The following AUTS2 variants were observed in gnomAD, a reference collection of about 807,000 sequenced individuals.
AUTS2 encodes activator of transcription and developmental regulator AUTS2.
Under a neutral mutation model 112.4 loss-of-function variants are expected in AUTS2, and 17 were observed. That is an observed-to-expected ratio of 0.15 (90% CI 0.10 to 0.23). AUTS2 has a LOEUF of 0.23. Ranked by LOEUF, AUTS2 falls within the 10% of genes least tolerant of loss-of-function variation. The pLI is 1.00. For missense variants in AUTS2, 1,510 were observed against 1,701.6 expected, an observed-to-expected ratio of 0.89 and a Z score of 1.98; for synonymous variants, 751 against 702.7, an observed-to-expected ratio of 1.07 and a Z score of -1.09.
At chr7:69,975,775 C>T (rs1798030296) in intron 2 of AUTS2, among the ~76,000 whole-genome samples, 2 of 151,764 alleles carry the variant, frequency 1.3e-5, no homozygotes, top group Admixed American at 1.3e-4. Flanking sequence ...GCAACCTCTG[C>T]CTCCTGGGTT....
At chr7:70,098,663 T>C (rs1804325087) in intron 2 of AUTS2, among the ~76,000 whole-genome samples, 1 of 152,006 alleles carries the variant, frequency 6.6e-6, no homozygotes, top group South Asian at 2.1e-4. Context: ...TTTTTATTTT[T>C]CCTTGACCTT....
chr7:70,290,609 TC>T, intron 4 of AUTS2: 1 of 1,429,382 alleles, frequency 7.0e-7, no homozygotes, highest in Non-Finnish European at 9.1e-7. Context: ...ATTAAACACT[TC>T]CCTCCTTTTC....
intron 4 of AUTS2, among the ~76,000 whole-genome samples, chr7:70,228,217 C>G (rs954597012): frequency 6.6e-6 from 1 of 151,246 alleles, no homozygotes; most frequent in Non-Finnish European, 1.5e-5. Flanking sequence ...GGACAGTATT[C>G]TCTCTCCCCT....
intron 1 of AUTS2, among the ~76,000 whole-genome samples, chr7:69,710,619 A>C (rs1042750490): frequency 6.6e-6 from 1 of 152,244 alleles, no homozygotes; most frequent in Non-Finnish European, 1.5e-5. Flanking sequence ...TACTTGGTAT[A>C]CAGGAGTCAA....
chr7:70,702,798 C>G (rs1809530479), intron 6 of AUTS2, among the ~76,000 whole-genome samples: 1 of 152,172 alleles, frequency 6.6e-6, no homozygotes, highest in Non-Finnish European at 1.5e-5. Context: ...CTGGAGCCCT[C>G]TCTGACCAGG....
At chr7:69,610,699 T>A (rs1792984817) in intron 1 of AUTS2, among the ~76,000 whole-genome samples, 1 of 152,198 alleles carries the variant, frequency 6.6e-6, no homozygotes, top group Admixed American at 6.5e-5. Context: ...CATTCAGATT[T>A]CAGAGCTTGG....
intron 4 of AUTS2, among the ~76,000 whole-genome samples, chr7:70,138,880 A>G (rs1806708120): frequency 6.6e-6 from 1 of 152,228 alleles, no homozygotes; most frequent in Non-Finnish European, 1.5e-5. Context: ...TAAAGGTCAT[A>G]GTGGGAATAT....
At chr7:70,640,811 C>T (rs1375651569) in intron 5 of AUTS2, among the ~76,000 whole-genome samples, 1 of 152,212 alleles carries the variant, frequency 6.6e-6, no homozygotes, top group Non-Finnish European at 1.5e-5. Flanking sequence ...AATTCTGTTG[C>T]TGTCCACCAG....
intron 2 of AUTS2, among the ~76,000 whole-genome samples, chr7:70,018,266 A>G (rs1800120075): frequency 6.6e-6 from 1 of 151,628 alleles, no homozygotes; most frequent in African/African-American, 2.4e-5. Context: ...ACTTTTCTAT[A>G]TTCGCTGACT....
intron 4 of AUTS2, among the ~76,000 whole-genome samples, chr7:70,360,447 G>T (rs941129157): frequency 6.6e-6 from 1 of 152,182 alleles, no homozygotes; most frequent in African/African-American, 2.4e-5. Context: ...GCCTAAGCAA[G>T]TATCTTTAAA....
chr7:70,772,409 T>C (rs1790411931), intron 11 of AUTS2, among the ~76,000 whole-genome samples: 1 of 152,248 alleles, frequency 6.6e-6, no homozygotes, highest in South Asian at 2.1e-4. Flanking sequence ...ACACTCTCTT[T>C]TTAAATATAC....
chr7:69,860,937 A>C (rs1033310511), intron 1 of AUTS2, among the ~76,000 whole-genome samples: 1 of 152,190 alleles, frequency 6.6e-6, no homozygotes, highest in East Asian at 1.9e-4. Context: ...GATTTTATTA[A>C]ATCAAAGACC....
intron 4 of AUTS2, among the ~76,000 whole-genome samples, chr7:70,169,938 A>C (rs887531176): frequency 2.0e-5 from 3 of 152,132 alleles, no homozygotes; most frequent in African/African-American, 7.2e-5. Flanking sequence ...TTGCTGCTTA[A>C]TTTTGTAACA....
intron 1 of AUTS2, among the ~76,000 whole-genome samples, chr7:69,876,495 T>C (rs1793795653): frequency 3.0e-4 from 1 of 3,356 alleles, no homozygotes; most frequent in Admixed American, 2.8e-3. Context: ...TATATATATA[T>C]ATATATATAT....
chr7:70,699,766 T>C (rs1222334305), intron 6 of AUTS2, among the ~76,000 whole-genome samples: 1 of 152,212 alleles, frequency 6.6e-6, no homozygotes, highest in Non-Finnish European at 1.5e-5. Flanking sequence ...AAATGTGTTA[T>C]CCATAATGCT....
chr7:70,265,701 T>C (rs1238845286), intron 4 of AUTS2, among the ~76,000 whole-genome samples: 3 of 152,210 alleles, frequency 2.0e-5, no homozygotes. Context: ...TATTAATTCT[T>C]GACTGATTGG....
chr7:70,496,089 C>T (rs561657323), intron 5 of AUTS2, among the ~76,000 whole-genome samples: 41 of 139,546 alleles, frequency 2.9e-4, no homozygotes, highest in African/African-American at 1.1e-3. Context: ...ACCACATACA[C>T]AGTCAGACAC....
At chr7:70,295,851 G>C (rs1431383233) in intron 4 of AUTS2, among the ~76,000 whole-genome samples, 1 of 152,132 alleles carries the variant, frequency 6.6e-6, no homozygotes, top group Non-Finnish European at 1.5e-5. Flanking sequence ...AGAGTTCATA[G>C]TATAGATTTG....
intron 1 of AUTS2, among the ~76,000 whole-genome samples, chr7:69,677,272 A>G (rs1052367417): frequency 1.3e-5 from 2 of 152,166 alleles, no homozygotes. Flanking sequence ...ACCTTGACTA[A>G]TAGTGATAAC....
Sources: allele counts gnomAD v4.1 joint callset (sites outside exome capture counted in the v4.1 genomes callset), GRCh38; gene constraint gnomAD v4.1.1; transcripts MANE v1.5; gene names NCBI Gene and HGNC (gene_info 2026-07-23, HGNC 2026-07-21).